Variants in TMTC3 observed in about 807,000 individuals in gnomAD.
TMTC3 encodes transmembrane O-mannosyltransferase targeting cadherins 3.
Under a neutral mutation model 92.2 loss-of-function variants are expected in TMTC3, and 52 were observed. The observed-to-expected ratio is 0.56, with a 90% CI of 0.45 to 0.71. The LOEUF (loss-of-function observed/expected upper bound fraction) is 0.71, where lower values mean the gene tolerates loss of function less well. Ranked by LOEUF, TMTC3 falls within the 30% of genes least tolerant of loss-of-function variation. The pLI is 0.00. For synonymous variants in TMTC3, 339 were observed against 363.3 expected (o/e 0.93, Z 0.76); for missense variants, 896 against 1,057.1 (o/e 0.85, Z 2.11).
At chr12:88,190,881 T>G (rs943233757) in intron 12 of TMTC3, among the ~76,000 whole-genome samples, 2 of 152,196 alleles carry the variant, frequency 1.3e-5, no homozygotes, top group Non-Finnish European at 2.9e-5. Context: ...TCTGTCTTAG[T>G]TGCATTTTCT....
At chr12:88,175,141 C>T (rs1353817662) in intron 9 of TMTC3, among the ~76,000 whole-genome samples, 2 of 149,996 alleles carry the variant, frequency 1.3e-5, no homozygotes, top group Non-Finnish European at 3.0e-5. Flanking sequence ...ATGTTATAAT[C>T]GATGGCATCA....
At chr12:88,192,876 A>G in intron 13 of TMTC3, 46 bp downstream of exon 13, 1 of 1,486,358 alleles carries the variant, frequency 6.7e-7, no homozygotes. Context: ...TGTAGTTTAT[A>G]ATATAATAAG....
Position 88,195,502 on chromosome 12 carries a change from T to G in TMTC3, c.2598T>G (p.Ser866Arg). 1.2e-6 allele frequency: 2 copies of G among 1,612,974 alleles called. No individual in the cohort carries two copies. The highest frequency in any genetic ancestry group is 1.7e-6 in the Non-Finnish European group (2 of 1,179,640). Reference sequence around the variant, plus strand: ...TAGTAAAAACAAGTGATAATAAAAGTCAGTCTAAATCCAACAAACAATTAG... The same window carrying G: ...TAGTAAAAACAAGTGATAATAAAAGGCAGTCTAAATCCAACAAACAATTAG... ...TQIVKTSDNKSQSKSNKQLGK... is the reference protein window; with the variant it reads ...TQIVKTSDNKRQSKSNKQLGK... The change falls in exon 14 of 14, where the codon AGT becomes AGG. Residue 866 changes from serine (S) to arginine (R), a missense_variant. By Grantham distance (110) the Ser-to-Arg change is moderately radical (BLOSUM62 -1). Transcript: ENST00000266712.
chr12:88,173,446 C>T (rs2041226548), intron 8 of TMTC3, among the ~76,000 whole-genome samples: 1 of 152,040 alleles, frequency 6.6e-6, no homozygotes, highest in Non-Finnish European at 1.5e-5. Context: ...CTCCACTTCA[C>T]CCTTAAGCAT....
chr12:88,161,648 C>G (rs1182119891), intron 6 of TMTC3, among the ~76,000 whole-genome samples: 1 of 151,516 alleles, frequency 6.6e-6, no homozygotes, highest in Non-Finnish European at 1.5e-5. Flanking sequence ...CTCTTTCCAC[C>G]TTCCTTTGGA....
chr12:88,173,749 C>T (rs1320248608), intron 8 of TMTC3, among the ~76,000 whole-genome samples: 2 of 152,024 alleles, frequency 1.3e-5, no homozygotes, highest in Admixed American at 1.3e-4. Flanking sequence ...TGCCATGTAC[C>T]AAGGGCCATG....
rs868253887 is a variant in TMTC3 at position 88,160,842 on chromosome 12, T to G, written c.788T>G (p.Val263Gly). The G allele has an allele frequency of 6.3e-7, 1 of 1,598,528 alleles. No individual in the cohort carries two copies. The highest frequency in any genetic ancestry group is 1.1e-5 in the South Asian group (1 of 87,208). The change falls in exon 6 of 14, where the codon GTA becomes GGA. Residue 263 changes from valine (V) to glycine (G), a missense_variant. Transcript: ENST00000266712. ...CAGGTTATTCAATCCCAACTTCCAGTATTCACCAGGTATGAAATTCTGGTT... is the reference window on the plus strand; with the variant it reads ...CAGGTTATTCAATCCCAACTTCCAGGATTCACCAGGTATGAAATTCTGGTT... ...RVQVIQSQLP[V>G]FTRFDNPAAV...
chr12:88,178,970 C>T (rs1333706012), intron 10 of TMTC3, among the ~76,000 whole-genome samples: 2 of 152,100 alleles, frequency 1.3e-5, no homozygotes, highest in Non-Finnish European at 2.9e-5. Flanking sequence ...CATGGACACT[C>T]AGTTTTTAAA....
In TMTC3 at chr12:88,196,575, T is replaced by C. The variant is rs971504306; in HGVS notation, c.*926T>C. The C allele has an allele frequency of 1.3e-5, 2 of 151,944 alleles. No individual in the cohort carries two copies. Among genetic ancestry groups the C allele is most frequent in the African/African-American group, 4.8e-5 (2 of 41,434 alleles). The allele number at this position is 151,944 out of a possible 1,614,324, so 9.4% of individuals were successfully genotyped here. ...AATTTTTTTGTTTCCAAAGTCACAA[T>C]TGAATTATTCTTAGATACCTTAAGC... On this transcript the variant is annotated 3_prime_UTR_variant, in exon 14 of 14. Transcript: ENST00000266712.
chr12:88,167,158 G>A (rs759561856), intron 7 of TMTC3, among the ~76,000 whole-genome samples: 12 of 152,184 alleles, frequency 7.9e-5, no homozygotes, highest in Admixed American at 5.2e-4. Flanking sequence ...ACTTTGAGAG[G>A]CCAAGGCAGG....
intron 8 of TMTC3, among the ~76,000 whole-genome samples, chr12:88,173,730 T>C (rs983976892): frequency 2.6e-5 from 4 of 152,132 alleles, no homozygotes; most frequent in Admixed American, 2.6e-4. Flanking sequence ...CTACCCATTT[T>C]TGAATGCCTG....
chr12:88,172,709 T>C lies in TMTC3; in HGVS notation c.1163T>C (p.Leu388Ser). Reference sequence around the variant, plus strand: ...GTTCCCAGCATGGGGTTCTGTATTTTGGTAGCCCATGGATGGCAGAAAATA... The same window carrying C: ...GTTCCCAGCATGGGGTTCTGTATTTCGGTAGCCCATGGATGGCAGAAAATA... Reference protein sequence around the residue: ...LYVPSMGFCILVAHGWQKIST... With the variant: ...LYVPSMGFCISVAHGWQKIST... Residue 388 changes from leucine to serine, a missense_variant, in exon 8 of 14, where the codon TTG (leucine) becomes TCG (serine). Transcript: ENST00000266712. 6.2e-7 allele frequency: 1 copy of C among 1,603,116 alleles called. No individual in the cohort carries two copies. Among genetic ancestry groups the C allele is most frequent in the East Asian group, 2.2e-5 (1 of 44,582 alleles).
chr12:88,183,792 A>C (rs1457973894), intron 10 of TMTC3, among the ~76,000 whole-genome samples: 1 of 152,114 alleles, frequency 6.6e-6, no homozygotes, highest in African/African-American at 2.4e-5. Flanking sequence ...AGTTTGCATT[A>C]TGTCCCTTAA....
At position 88,146,455 on chromosome 12, in the gene TMTC3, AGC is replaced by A. The variant is rs1156284765; in HGVS notation, c.-28-1832_-28-1831del. 4.6e-5 allele frequency among the ~76,000 whole-genome samples: 7 copies of A among 152,152 alleles called. No homozygotes were observed. In the East Asian group the frequency reaches 1.4e-3, roughly 29 times the overall value. ...CCTATTAGAGGATGTGTTAATAAGT[AGC>A]AGAGACTAGTTTTCAAAGCTGAGAA... On this transcript the variant is annotated intron_variant, in intron 1 of 13. Coordinates refer to ENST00000266712, the MANE Select transcript of TMTC3 (RefSeq NM_181783.4).
intron 1 of TMTC3, among the ~76,000 whole-genome samples, chr12:88,142,806 C>CT (rs1475805864): frequency 6.6e-6 from 1 of 152,194 alleles, no homozygotes; most frequent in Non-Finnish European, 1.5e-5. Flanking sequence ...CCCGCCTTAC[C>CT]TGTAGCACCA....
rs1157039287 is a variant in TMTC3 at position 88,196,746 on chromosome 12, AATC to A, written c.*1102_*1104del. On this transcript the variant is annotated 3_prime_UTR_variant, in exon 14 of 14. Transcript: ENST00000266712. ...TTCATAAAATATTTGAAGCTATTTT[AATC>A]ATCAAGTATGGAAAACAAATTACTA... 3 of 151,886 alleles carry A rather than the reference AATC, an allele frequency of 2.0e-5. No individual in the cohort carries two copies. The highest frequency in any genetic ancestry group is 4.4e-5 in the Non-Finnish European group (3 of 67,810). The allele number at this position is 151,886 out of a possible 1,614,324, so 9.4% of individuals were successfully genotyped here.
At chr12:88,170,091 C>T (rs2041188581) in intron 7 of TMTC3, among the ~76,000 whole-genome samples, 1 of 152,142 alleles carries the variant, frequency 6.6e-6, no homozygotes, top group African/African-American at 2.4e-5. Flanking sequence ...GTTTATGCTA[C>T]TGGAAGAAGG....
chr12:88,167,535 TATTC>T (rs1397438683), intron 7 of TMTC3, among the ~76,000 whole-genome samples: 1 of 152,224 alleles, frequency 6.6e-6, no homozygotes, highest in Non-Finnish European at 1.5e-5. Flanking sequence ...TAGATTGATT[TATTC>T]ATTCAATAAA....
At position 88,196,915 on chromosome 12, in the gene TMTC3, A is replaced by G. The variant is rs903970863; in HGVS notation, c.*1266A>G. 2 of 151,838 alleles carry G rather than the reference A, an allele frequency of 1.3e-5. No individual in the cohort carries two copies. The highest frequency in any genetic ancestry group is 3.0e-5 in the Non-Finnish European group (2 of 67,790). The allele number at this position is 151,838 out of a possible 1,614,324, so 9.4% of individuals were successfully genotyped here. ...TGGTTTGGGCAAATTTAAACCTGAA[A>G]AATAGGTTAAAAAGTAGTTACAAAT... is the stretch of plus-strand genomic sequence containing the variant. On this transcript the variant is annotated 3_prime_UTR_variant, in exon 14 of 14. Coordinates refer to ENST00000266712, the MANE Select transcript of TMTC3 (RefSeq NM_181783.4).
Sources: gnomAD v4.1 joint callset for allele counts (sites outside exome capture counted in the v4.1 genomes callset) on GRCh38, gnomAD v4.1.1 for gene constraint, MANE v1.5 for transcripts, NCBI Gene and HGNC (gene_info 2026-07-23, HGNC 2026-07-21) for gene names.